PXDN: variants seen among roughly 807,000 people sequenced by gnomAD.
PXDN encodes the protein peroxidasin homolog.
In PXDN, 77 loss-of-function variants were observed where a neutral mutation model predicts 140.3. That is an observed-to-expected ratio of 0.55 (90% confidence interval 0.46 to 0.66). The LOEUF (loss-of-function observed/expected upper bound fraction) is 0.66. Among genes scored for constraint, PXDN ranks in the 30% least tolerant of loss-of-function variants. The probability of loss-of-function intolerance (pLI) is 0.00; values close to 1 mark genes in which losing one functional copy is unlikely to be tolerated. For missense variants in PXDN, 1,838 were observed against 2,039.5 expected (o/e 0.90, Z 1.90); for synonymous variants, 911 against 857.4 (o/e 1.06, Z -1.09).
chr2:1,693,264 A>G (rs2125451080), intron 1 of PXDN, 130 bp from the exon 2 acceptor site: 2 of 676,396 alleles, frequency 3.0e-6, no homozygotes, highest in African/African-American at 1.8e-5. Flanking sequence ...CACTCCTTCA[A>G]TGAATCTTCT....
At chr2:1,680,430 G>C (rs1683868034) in intron 6 of PXDN, 68 bp from the exon 7 acceptor site, 4 of 1,568,248 alleles carry the variant, frequency 2.6e-6, no homozygotes, top group East Asian at 2.2e-5. Context: ...CCATCAGACA[G>C]GGCTTCCAGG....
intron 1 of PXDN, among the ~76,000 whole-genome samples, chr2:1,734,596 T>C (rs1412821061): frequency 6.6e-6 from 1 of 152,194 alleles, no homozygotes; most frequent in Non-Finnish European, 1.5e-5. Flanking sequence ...CGGCCAGGCA[T>C]GGTGGCTCAC....
intron 19 of PXDN, among the ~76,000 whole-genome samples, chr2:1,641,960 T>C (rs1354250113): frequency 6.6e-6 from 1 of 152,156 alleles, no homozygotes; most frequent in African/African-American, 2.4e-5. Context: ...GAAAAGCATT[T>C]TGAATTGGAT....
chr2:1,684,079 C>T lies in PXDN; in HGVS notation c.488+1G>A. ...AAGGCAAGGAACAACACACAACTCA[C>T]AGCCTCTCGAGCTTCGGGAGATGCT... On this transcript the variant is annotated splice_donor_variant, in intron 5 of 22. Transcript: ENST00000252804. LOFTEE classifies it high-confidence loss of function. 1 of 1,575,642 alleles carries T rather than the reference C, an allele frequency of 6.3e-7. No homozygotes were observed. The highest frequency in any genetic ancestry group is 8.6e-7 in the Non-Finnish European group (1 of 1,159,702).
upstream of PXDN, chr2:1,744,566 G>T (rs1685648497): frequency 1.1e-6 from 1 of 934,938 alleles, no homozygotes; most frequent in Non-Finnish European, 1.4e-6. Flanking sequence ...GGCGGGGGGC[G>T]CCAGCTGTGC....
chr2:1,693,284 A>G, intron 1 of PXDN, 150 bp from the exon 2 acceptor site: 1 of 626,446 alleles, frequency 1.6e-6, no homozygotes, highest in Non-Finnish European at 2.7e-6. Context: ...TTTTTCACTG[A>G]GGCTAGTAAG....
chr2:1,647,071 T>C (rs966108478), intron 17 of PXDN, among the ~76,000 whole-genome samples: 1 of 151,896 alleles, frequency 6.6e-6, no homozygotes, highest in Non-Finnish European at 1.5e-5. Context: ...ATTTTTGTAG[T>C]TTTTAGTAGA....
At position 1,632,328 on chromosome 2, in the gene PXDN, A is replaced by C. The variant is rs983149146; in HGVS notation, c.*1876T>G. The C allele has an allele frequency of 6.6e-6, 1 of 152,224 alleles. No homozygotes were observed. Among genetic ancestry groups the C allele is most frequent in the Admixed American group, 6.5e-5 (1 of 15,290 alleles). The allele number at this position is 152,224 out of a possible 1,614,324, so 9.4% of individuals were successfully genotyped here. A position where few individuals can be genotyped will look rare whatever the true frequency, so the allele number is the denominator to read the frequency against. On this transcript the variant is annotated 3_prime_UTR_variant, in exon 23 of 23. Coordinates refer to ENST00000252804, the MANE Select transcript of PXDN (RefSeq NM_012293.3). The surrounding 1 kb of genome is among the most constrained non-coding windows in gnomAD (Gnocchi z 4.3). ...GAGGCACAGAACACTCCCAGAACCC[A>C]GAATCTGCTGTCATCTGAGTGCCTG...
At chr2:1,684,424 G>A (rs1266845002) in intron 4 of PXDN, among the ~76,000 whole-genome samples, 1 of 152,164 alleles carries the variant, frequency 6.6e-6, no homozygotes, top group African/African-American at 2.4e-5. Flanking sequence ...GCGTGAGAAG[G>A]GCAGTGCTGG....
At chr2:1,690,489 T>A (rs2125449147) in intron 3 of PXDN, among the ~76,000 whole-genome samples, 1 of 151,980 alleles carries the variant, frequency 6.6e-6, no homozygotes, top group African/African-American at 2.4e-5. Flanking sequence ...TCTTAATAAT[T>A]CAAAACCAGT....
chr2:1,634,795 C>G (rs1321054750), intron 22 of PXDN, among the ~76,000 whole-genome samples: 2 of 152,204 alleles, frequency 1.3e-5, no homozygotes, highest in Admixed American at 1.3e-4. Flanking sequence ...CGTCCTCTCC[C>G]AATGGCCATG....
chr2:1,673,874 C>A (rs960703135), intron 8 of PXDN, 62 bp from the exon 9 acceptor site: 3 of 1,569,306 alleles, frequency 1.9e-6, no homozygotes, highest in Non-Finnish European at 2.6e-6. Context: ...CCTCACCCAT[C>A]CCCAGCACAG....
Position 1,654,470 on chromosome 2 carries a change from T to C in PXDN, c.1876A>G (p.Thr626Ala). Reference protein sequence around the residue: ...VSRNGDPFVATSIVEAIATVD... With the variant: ...VSRNGDPFVAASIVEAIATVD... ...GTCGCAATCGCTTCCACGATGGAGG[T>C]AGCTACAAACGGATCTCCATTTCGA... Residue 626 changes from threonine (T) to alanine (A), a missense_variant, in exon 15 of 23, where the codon ACC (threonine) becomes GCC (alanine). Physicochemically the swap from Thr to Ala is moderately conservative, Grantham distance 58. Coordinates refer to ENST00000252804, the MANE Select transcript of PXDN (RefSeq NM_012293.3). 6.2e-7 allele frequency: 1 copy of C among 1,613,644 alleles called. No individual in the cohort carries two copies. Among genetic ancestry groups the C allele is most frequent in the Non-Finnish European group, 8.5e-7 (1 of 1,179,602 alleles).
intron 1 of PXDN, among the ~76,000 whole-genome samples, chr2:1,733,771 G>A (rs1685366146): frequency 9.9e-6 from 1 of 101,016 alleles, no homozygotes; most frequent in Non-Finnish European, 2.1e-5. Context: ...AAAAAAAGCA[G>A]TGTCAGAGAA....
At chr2:1,684,255 T>TG (rs754119297) in intron 4 of PXDN, 104 bp from the exon 5 acceptor site, 297 of 835,022 alleles carry the variant, frequency 3.6e-4, no homozygotes, top group Non-Finnish European at 5.3e-4. Flanking sequence ...CAGATATCAA[T>TG]AGATAGCTCA....
At chr2:1,720,751 C>T (rs1400183768) in intron 1 of PXDN, among the ~76,000 whole-genome samples, 1 of 151,090 alleles carries the variant, frequency 6.6e-6, no homozygotes, top group Non-Finnish European at 1.5e-5. Flanking sequence ...CACACACACA[C>T]ACGTACACAT....
intron 11 of PXDN, 169 bp downstream of exon 11, chr2:1,664,789 G>A (rs569080777): frequency 2.5e-5 from 15 of 599,748 alleles, no homozygotes; most frequent in African/African-American, 7.4e-5. Context: ...AGGAAGCCGC[G>A]GGGGATGTGC....
chr2:1,649,464 C>G lies in PXDN; in HGVS notation c.2316G>C (p.Glu772Asp), dbSNP rs1682958857. 1 of 1,614,002 alleles carries G rather than the reference C, an allele frequency of 6.2e-7. No individual in the cohort carries two copies. The highest frequency in any genetic ancestry group is 8.5e-7 in the Non-Finnish European group (1 of 1,179,896). The change falls in exon 17 of 23, where the codon GAG (glutamate) becomes GAC (aspartate). Residue 772 changes from glutamate (E) to aspartate (D), a missense_variant. Glu to Asp is a conservative substitution (Grantham distance 45, BLOSUM62 2). Transcript: ENST00000252804. This position sits in a 1 kb window ranked among gnomAD's most constrained non-coding sequence, Gnocchi z 7.1. ...TGCCCCGAGGGGTGTTGAAGCCATT[C>G]TCGTACACGGATTTCAGCAGGCGCT... ...AFERLLKSVY[E>D]NGFNTPRGIN...
chr2:1,680,445 G>C, intron 6 of PXDN, 83 bp from the exon 7 acceptor site: 1 of 1,527,898 alleles, frequency 6.5e-7, no homozygotes, highest in Non-Finnish European at 9.0e-7. Context: ...TCCAGGTCCC[G>C]CGTCGGGAAA....
Sources: allele counts gnomAD v4.1 joint callset (sites outside exome capture counted in the v4.1 genomes callset), GRCh38; gene constraint gnomAD v4.1.1; non-coding constraint Gnocchi (gnomAD v3.1); transcripts MANE v1.5; gene names NCBI Gene and HGNC (gene_info 2026-07-23, HGNC 2026-07-21).